CMTM4: variants seen among roughly 807,000 people sequenced by gnomAD.
CMTM4 encodes the protein CKLF like MARVEL transmembrane domain containing 4.
Under a neutral mutation model 19.0 loss-of-function variants are expected in CMTM4, and 8 were observed. The ratio of observed to expected loss-of-function variants is 0.42; its 90% CI spans 0.25 to 0.76. The LOEUF (loss-of-function observed/expected upper bound fraction) is 0.76, where lower values mean the gene tolerates loss of function less well. CMTM4 is among the 30% of genes least tolerant of loss of function. The probability of loss-of-function intolerance (pLI) is 0.27; values close to 1 mark genes in which losing one functional copy is unlikely to be tolerated. For missense variants in CMTM4, 228 were observed against 290.2 expected (o/e 0.79, Z 1.56); for synonymous variants, 106 against 121.1 (o/e 0.88, Z 0.82).
In CMTM4 at chr16:66,622,148, G is replaced by A. The variant is rs773544879; in HGVS notation, c.537C>T (p.Val179=). The A allele has an allele frequency of 7.4e-6, 12 of 1,613,368 alleles. No individual in the cohort carries two copies. In the Admixed American group the frequency reaches 1.8e-4, roughly 25 times the overall value. Residue 179 remains valine (V), a synonymous_variant, in exon 4 of 4, where the codon GTC becomes GTT. Coordinates refer to ENST00000394106, the MANE Select transcript of CMTM4 (RefSeq NM_181521.3). This position sits in a 1 kb window ranked among gnomAD's most constrained non-coding sequence, Gnocchi z 4.0. ...TGTAGTCATTGGTGCTCTGCTGGCG[G>A]ACGCTGACTCTCCATTTCTGCACTG... ...FLAVQKWRVS[V]RQQSTNDYIR...
intron 1 of CMTM4, among the ~76,000 whole-genome samples, chr16:66,693,030 C>A (rs1479286463): frequency 6.6e-6 from 1 of 151,970 alleles, no homozygotes. Context: ...TTGAGACCAG[C>A]CTAGCCAACA....
At chr16:66,666,353 T>C (rs919312102) in intron 1 of CMTM4, among the ~76,000 whole-genome samples, 1 of 151,672 alleles carries the variant, frequency 6.6e-6, no homozygotes, top group Non-Finnish European at 1.5e-5. Context: ...CTCAGGAGGC[T>C]GAGGCAGGAG....
downstream of CMTM4, chr16:66,612,545 A>G: frequency 1.3e-6 from 2 of 1,559,640 alleles, no homozygotes; most frequent in South Asian, 1.1e-5. This position sits in a 1 kb window ranked among gnomAD's most constrained non-coding sequence, Gnocchi z 6.0. Context: ...GCTTCCCCAG[A>G]GACCGTTCCC....
intron 1 of CMTM4, among the ~76,000 whole-genome samples, chr16:66,678,797 T>G (rs2016854140): frequency 6.6e-6 from 1 of 152,204 alleles, no homozygotes. Context: ...GTATGAGTCA[T>G]GATTTTATCT....
chr16:66,653,911 G>A (rs998444329), intron 1 of CMTM4, among the ~76,000 whole-genome samples: 2 of 150,800 alleles, frequency 1.3e-5, no homozygotes, highest in Admixed American at 1.3e-4. Flanking sequence ...ATTTTTATGT[G>A]TTTTTTTTTA....
At chr16:66,612,840 C>T (rs2015434250), downstream of CMTM4, 5 of 613,142 alleles carry the variant, frequency 8.2e-6, no homozygotes, top group South Asian at 5.8e-5. This position sits in a 1 kb window ranked among gnomAD's most constrained non-coding sequence, Gnocchi z 6.0. Context: ...GACCACGCTG[C>T]GTATGAGGGC....
At chr16:66,635,693 T>C (rs1227724221) in intron 2 of CMTM4, among the ~76,000 whole-genome samples, 1 of 152,186 alleles carries the variant, frequency 6.6e-6, no homozygotes, top group Non-Finnish European at 1.5e-5. Flanking sequence ...CTTACGTGGA[T>C]CTCCCTGACT....
chr16:66,632,967 C>T (rs1032906374), intron 2 of CMTM4, among the ~76,000 whole-genome samples: 1 of 151,498 alleles, frequency 6.6e-6, no homozygotes, highest in South Asian at 2.1e-4. Context: ...TGCCTGTAAT[C>T]CCAGCTACTC....
chr16:66,600,137 T>TGTG, the CMTM4 span, among the ~76,000 whole-genome samples: 2 of 105,258 alleles, frequency 1.9e-5, no homozygotes, highest in East Asian at 3.6e-4. Flanking sequence ...TGTGTGTGTG[T>TGTG]TTTTTTTTGT....
intron 1 of CMTM4, among the ~76,000 whole-genome samples, chr16:66,658,756 A>G (rs1170511962): frequency 6.6e-6 from 1 of 152,104 alleles, no homozygotes; most frequent in East Asian, 1.9e-4. Context: ...GGAGAAAGCC[A>G]AAAATGTCTC....
chr16:66,608,423 C>T, the CMTM4 span: 1 of 1,614,188 alleles, frequency 6.2e-7, no homozygotes, highest in Non-Finnish European at 8.5e-7. The surrounding 1 kb of genome is among the most constrained non-coding windows in gnomAD (Gnocchi z 5.1). Flanking sequence ...TGATGCCATG[C>T]AGCTGAATGA....
chr16:66,636,390 G>A lies in CMTM4; in HGVS notation c.363+15C>T, dbSNP rs377249296. 18 of 1,607,672 alleles carry A rather than the reference G, an allele frequency of 1.1e-5. No individual in the cohort carries two copies. The highest frequency in any genetic ancestry group is 1.4e-5 in the Non-Finnish European group (16 of 1,175,118). On this transcript the variant is annotated intron_variant, in intron 2 of 3. Coordinates refer to ENST00000394106, the MANE Select transcript of CMTM4 (RefSeq NM_181521.3). ...ACGTGATCCTTTCATGGCCAGAGTG[G>A]CCGCTTGTACTCACTGTCAGATTCC...
intron 1 of CMTM4, among the ~76,000 whole-genome samples, chr16:66,665,869 G>A (rs1298079512): frequency 2.0e-5 from 3 of 151,486 alleles, no homozygotes; most frequent in Admixed American, 1.3e-4. Flanking sequence ...AGGAGTTCGA[G>A]ACCAGCCTGG....
chr16:66,641,518 C>A (rs2016097441), intron 1 of CMTM4, among the ~76,000 whole-genome samples: 1 of 152,066 alleles, frequency 6.6e-6, no homozygotes. Context: ...ATTTAGTTCC[C>A]CAGTACAACC....
chr16:66,623,558 A>T, intron 2 of CMTM4, 56 bp from the exon 3 acceptor site: 1 of 1,310,030 alleles, frequency 7.6e-7, no homozygotes, highest in Non-Finnish European at 1.1e-6. Context: ...CTTTGCTCTA[A>T]AAGCAACTGG....
Position 66,621,952 on chromosome 16 carries a change from G to A in CMTM4, c.*106C>T, listed in dbSNP as rs1162749872. ...TCCCAAAATGAACTTTTACCAAAGA[G>A]GACAAAATTCAACTGAATCACATGG... On this transcript the variant is annotated 3_prime_UTR_variant, in exon 4 of 4. Transcript: ENST00000394106. 2.0e-6 allele frequency: 3 copies of A among 1,464,306 alleles called. No homozygotes were observed. Among genetic ancestry groups the A allele is most frequent in the Non-Finnish European group, 2.7e-6 (3 of 1,104,652 alleles). 90.7% of individuals were successfully genotyped at this position (1,464,306 alleles called of 1,614,324 possible).
At chr16:66,671,264 G>A (rs2016701140) in intron 1 of CMTM4, among the ~76,000 whole-genome samples, 1 of 152,156 alleles carries the variant, frequency 6.6e-6, no homozygotes, top group African/African-American at 2.4e-5. Context: ...CAAAGAGAAG[G>A]GCTAACTTCG....
chr16:66,645,487 G>A (rs187605327), intron 1 of CMTM4, among the ~76,000 whole-genome samples: 428 of 151,212 alleles, frequency 2.8e-3, no homozygotes, highest in Non-Finnish European at 5.0e-3. Context: ...CTGAGGCAGA[G>A]AACTGCTTGA....
chr16:66,653,131 C>T (rs964040133), intron 1 of CMTM4, among the ~76,000 whole-genome samples: 2 of 152,144 alleles, frequency 1.3e-5, no homozygotes, highest in Admixed American at 6.6e-5. Flanking sequence ...GCAAAACCTC[C>T]CCCTTTCCTT....
Sources: allele counts gnomAD v4.1 joint callset (sites outside exome capture counted in the v4.1 genomes callset), GRCh38; gene constraint gnomAD v4.1.1; non-coding constraint Gnocchi (gnomAD v3.1); transcripts MANE v1.5; gene names NCBI Gene and HGNC (gene_info 2026-07-23, HGNC 2026-07-21).